ZNF320: variants seen among roughly 807,000 people sequenced by gnomAD.
ZNF320 encodes zinc finger gene 320.
In ZNF320, 2 loss-of-function variants were observed where a neutral mutation model predicts 6.8. The ratio of observed to expected loss-of-function variants is 0.29; its 90% CI spans 0.12 to 0.93. The LOEUF is 0.93. Ranked by LOEUF, ZNF320 falls within the 40% of genes least tolerant of loss-of-function variation. The pLI, the probability that ZNF320 is intolerant of heterozygous loss-of-function variation, is 0.55. For missense variants in ZNF320, 472 were observed against 611.0 expected (o/e 0.77, Z 2.40); for synonymous variants, 208 against 203.2 (o/e 1.02, Z -0.20).
At chr19:52,862,285 G>T in exon 6 of ZNF320, 1 of 665,760 alleles carries the variant, frequency 1.5e-6, no homozygotes, top group Non-Finnish European at 2.5e-6. Context: ...TCTCCAGGGT[G>T]AATTCTAGTA....
At chr19:52,875,679 GCTGA>G, downstream of ZNF320, among the ~76,000 whole-genome samples, 1 of 151,936 alleles carries the variant, frequency 6.6e-6, no homozygotes, top group Non-Finnish European at 1.5e-5. Flanking sequence ...CATTTGAGGG[GCTGA>G]CTGTGGTGGA....
Position 52,880,563 on chromosome 19 carries a change from C to A in ZNF320, c.*33G>T. 1 of 1,556,220 alleles carries A rather than the reference C, an allele frequency of 6.4e-7. No homozygotes were observed. Among genetic ancestry groups the A allele is most frequent in the Non-Finnish European group, 8.7e-7 (1 of 1,151,946 alleles). Reference sequence around the variant, plus strand: ...GCTTGAAATCAATGTTAAGTCAACTCAAACTCAGGTCAATGCTGATTTGAC... The same window carrying A: ...GCTTGAAATCAATGTTAAGTCAACTAAAACTCAGGTCAATGCTGATTTGAC... On this transcript the variant is annotated 3_prime_UTR_variant, in exon 6 of 6. Transcript: ENST00000682928.
At chr19:52,865,064 G>A (rs762260158) in intron 5 of ZNF320, among the ~76,000 whole-genome samples, 9 of 150,320 alleles carry the variant, frequency 6.0e-5, no homozygotes, top group Non-Finnish European at 1.0e-4. Context: ...GCTCATGCCT[G>A]CAATCCTGGC....
chr19:52,886,909 T>C (rs568613713), intron 5 of ZNF320, among the ~76,000 whole-genome samples: 1 of 146,468 alleles, frequency 6.8e-6, no homozygotes, highest in East Asian at 2.0e-4. Flanking sequence ...CACTGTAGCC[T>C]GGATGAAAGA....
intron 5 of ZNF320, among the ~76,000 whole-genome samples, chr19:52,887,638 G>A (rs2064136708): frequency 6.6e-6 from 1 of 152,188 alleles, no homozygotes; most frequent in African/African-American, 2.4e-5. Context: ...CTGGGCTGGA[G>A]TGCAGCGGTG....
downstream of ZNF320, among the ~76,000 whole-genome samples, chr19:52,875,509 G>A (rs2063750255): frequency 6.6e-6 from 1 of 152,124 alleles, no homozygotes; most frequent in South Asian, 2.1e-4. Flanking sequence ...TTGGAGGACT[G>A]GAATCCATTT....
downstream of ZNF320, chr19:52,874,297 T>G (rs2063729053): frequency 5.8e-6 from 1 of 172,950 alleles, no homozygotes; most frequent in Admixed American, 6.3e-5. Flanking sequence ...ACACACACGC[T>G]GCAGCAGGAC....
Position 52,868,234 on chromosome 19 carries a change from C to A in ZNF320, c.224-4075G>T, listed in dbSNP as rs184642248. 6.9e-3 allele frequency among the ~76,000 whole-genome samples: 1,049 copies of A among 152,122 alleles called. 16 individuals carry two copies. Among genetic ancestry groups the A allele is most frequent in the African/African-American group, 0.022 (903 of 41,490 alleles). Reference sequence around the variant, plus strand: ...TTAAAAACCTGGAGGCATCCAGGCGCAGTGGCTCACGCTTGTAATCCCAAC... The same window carrying A: ...TTAAAAACCTGGAGGCATCCAGGCGAAGTGGCTCACGCTTGTAATCCCAAC... On this transcript the variant is annotated intron_variant, in intron 5 of 5. Coordinates refer to the ZNF320 transcript ENST00000673631.
chr19:52,870,807 A>C (rs1228742818), intron 5 of ZNF320, among the ~76,000 whole-genome samples: 1 of 152,144 alleles, frequency 6.6e-6, no homozygotes, highest in Non-Finnish European at 1.5e-5. Flanking sequence ...AGCATTCTAC[A>C]CCACTGATGT....
chr19:52,871,518 C>T (rs1048614600), downstream of ZNF320, among the ~76,000 whole-genome samples: 11 of 151,580 alleles, frequency 7.3e-5, no homozygotes, highest in African/African-American at 2.4e-4. Flanking sequence ...CACTCCACTT[C>T]GGAAAAAAAA....
chr19:52,890,046 C>T (rs534756052), intron 4 of ZNF320, among the ~76,000 whole-genome samples, 195 bp downstream of exon 4: 9 of 152,244 alleles, frequency 5.9e-5, no homozygotes, highest in African/African-American at 1.9e-4. Flanking sequence ...CCAGTGCAGC[C>T]TCTTCCCAAC....
At chr19:52,860,458 G>C (rs2063480940), downstream of ZNF320, among the ~76,000 whole-genome samples, 1 of 151,796 alleles carries the variant, frequency 6.6e-6, no homozygotes, top group South Asian at 2.1e-4. Flanking sequence ...AATTAGCCAG[G>C]CCTGGGGGCA....
chr19:52,888,075 T>C lies in ZNF320; in HGVS notation c.142+52A>G, dbSNP rs928426424. 4 of 1,603,510 alleles carry C rather than the reference T, an allele frequency of 2.5e-6. No individual in the cohort carries two copies. The East Asian group carries it at 8.9e-5, about 36-fold the overall frequency. ...AACTCCCAAGAGAAACAAGAGAAAA[T>C]ACAAAGATCCACAAGGGCACATCCC... On this transcript the variant is annotated intron_variant, in intron 5 of 5. Transcript: ENST00000682928.
At chr19:52,868,474 C>A (rs1421125798) in intron 5 of ZNF320, among the ~76,000 whole-genome samples, 1 of 151,212 alleles carries the variant, frequency 6.6e-6, no homozygotes, top group Non-Finnish European at 1.5e-5. Context: ...CCACTGTAGT[C>A]CAGCCTGGGC....
intron 1 of ZNF320, among the ~76,000 whole-genome samples, chr19:52,895,955 A>G (rs968808009): frequency 3.3e-5 from 5 of 152,206 alleles, no homozygotes; most frequent in Non-Finnish European, 5.9e-5. Flanking sequence ...AACTTTTAAA[A>G]TGGTTAAAAA....
intron 4 of ZNF320, among the ~76,000 whole-genome samples, chr19:52,889,592 G>C (rs748828781): frequency 6.6e-6 from 1 of 152,154 alleles, no homozygotes; most frequent in Non-Finnish European, 1.5e-5. Context: ...CCTCTCCACA[G>C]GAACCCCACA....
chr19:52,866,054 TTATACATATATTTA>T (rs2063559935), intron 5 of ZNF320, among the ~76,000 whole-genome samples: 3 of 118,386 alleles, frequency 2.5e-5, no homozygotes, highest in African/African-American at 6.4e-5. Flanking sequence ...ATATATATGA[TTATACATATATTTA>T]TATATATGAT....
In ZNF320 at chr19:52,890,399, A is replaced by T. The variant is rs2064249863; in HGVS notation, c.-73-71T>A. The T allele has an allele frequency of 1.2e-5, 15 of 1,223,458 alleles. No individual in the cohort carries two copies. In the South Asian group the frequency reaches 1.7e-4, roughly 14 times the overall value. 75.8% of individuals were successfully genotyped at this position (1,223,458 alleles called of 1,614,324 possible). On this transcript the variant is annotated intron_variant, in intron 3 of 5. Coordinates refer to ENST00000682928, the MANE Select transcript of ZNF320 (RefSeq NM_001351774.2). ...CCCTCCCCATAACACAATGACACATACAAAGGAGGCCTCACCCTGGGAAAT... is the reference window on the plus strand; with the variant it reads ...CCCTCCCCATAACACAATGACACATTCAAAGGAGGCCTCACCCTGGGAAAT...
chr19:52,892,719 T>TGCC (rs1568729338), intron 2 of ZNF320, among the ~76,000 whole-genome samples: 2 of 152,054 alleles, frequency 1.3e-5, no homozygotes, highest in East Asian at 3.9e-4. Context: ...GTGCATCCTC[T>TGCC]GCTCTCCCTG....
Sources: allele counts gnomAD v4.1 joint callset (sites outside exome capture counted in the v4.1 genomes callset), GRCh38; gene constraint gnomAD v4.1.1; transcripts MANE v1.5; gene names NCBI Gene and HGNC (gene_info 2026-07-23, HGNC 2026-07-21).